C16orf74: variants seen among roughly 807,000 people sequenced by gnomAD.
The protein encoded by C16orf74 is uncharacterized protein C16orf74.
A neutral mutation model predicts 6.5 loss-of-function variants in C16orf74; 10 were observed. The observed-to-expected ratio is 1.54, with a 90% confidence interval of 0.95 to 2.61. C16orf74 has a LOEUF of 2.61. Among genes scored for constraint, C16orf74 ranks in the 30% most tolerant of loss-of-function variants. The probability of loss-of-function intolerance (pLI) is 0.00; values close to 1 mark genes in which losing one functional copy is unlikely to be tolerated. For missense variants in C16orf74, 141 were observed against 105.9 expected (o/e 1.33, Z -1.45); for synonymous variants, 60 against 42.5 (o/e 1.41, Z -1.60).
intron 2 of C16orf74, among the ~76,000 whole-genome samples, chr16:85,730,400 T>C (rs28402278): frequency 0.063 from 9,593 of 152,022 alleles, 985 homozygotes; most frequent in African/African-American, 0.22. Context: ...AGTGCCAAGG[T>C]GCCTCCCGGC....
At chr16:85,746,544 G>C (rs1413760138) in intron 1 of C16orf74, among the ~76,000 whole-genome samples, 2 of 152,190 alleles carry the variant, frequency 1.3e-5, no homozygotes, top group Non-Finnish European at 1.5e-5. Flanking sequence ...GATGAAATCA[G>C]AGTAACCCCA....
intron 2 of C16orf74, among the ~76,000 whole-genome samples, chr16:85,733,405 G>C (rs2054211272): frequency 6.6e-6 from 1 of 152,168 alleles, no homozygotes; most frequent in African/African-American, 2.4e-5. Flanking sequence ...AGGGAACGGG[G>C]AGTTAGTGTT....
At chr16:85,730,163 T>A (rs1249475949) in intron 2 of C16orf74, among the ~76,000 whole-genome samples, 5 of 152,018 alleles carry the variant, frequency 3.3e-5, no homozygotes, top group African/African-American at 1.2e-4. Context: ...GCGGGTGAGA[T>A]GAAGCCCGCA....
chr16:85,723,281 G>C (rs1194741511), intron 2 of C16orf74, among the ~76,000 whole-genome samples: 1 of 120,450 alleles, frequency 8.3e-6, no homozygotes, highest in Non-Finnish European at 1.7e-5. Context: ...AAAAAAAAAA[G>C]GCCAGGTGCA....
Position 85,731,974 on chromosome 16 carries a change from G to T in C16orf74, c.28+3216C>A, listed in dbSNP as rs373850263. ...CCAAAGTGTTGGGACTACAGGCATG[G>T]GCCACCGTGCAGCCCCGCAGATGTA... On this transcript the variant is annotated intron_variant, in intron 2 of 3. Coordinates refer to ENST00000284245, the MANE Select transcript of C16orf74 (RefSeq NM_206967.3). 6.6e-5 allele frequency among the ~76,000 whole-genome samples: 10 copies of T among 152,258 alleles called. No homozygotes were observed. In the East Asian group the frequency reaches 7.7e-4, roughly 12 times the overall value.
intron 2 of C16orf74, among the ~76,000 whole-genome samples, chr16:85,726,462 G>C (rs1318104374): frequency 6.6e-6 from 1 of 152,188 alleles, no homozygotes; most frequent in Non-Finnish European, 1.5e-5. Context: ...CAGCAGAGTA[G>C]ACAAAGACCC....
At chr16:85,747,162 T>C (rs1457989191) in intron 1 of C16orf74, among the ~76,000 whole-genome samples, 1 of 152,170 alleles carries the variant, frequency 6.6e-6, no homozygotes. Flanking sequence ...CACCGTGAAA[T>C]AATAGAGCTG....
chr16:85,735,189 C>T lies in C16orf74; in HGVS notation c.28+1G>A. On this transcript the variant is annotated splice_donor_variant, in intron 2 of 3. Transcript: ENST00000284245. LOFTEE classifies it high-confidence loss of function. ...GGTGGGGGCAGAGCTTCAGGCCTTA[C>T]CTTTCAGGCAGGACATCTTAAGCCC... 6.2e-7 allele frequency: 1 copy of T among 1,606,138 alleles called. No individual in the cohort carries two copies. Among genetic ancestry groups the T allele is most frequent in the Non-Finnish European group, 8.5e-7 (1 of 1,176,006 alleles).
At chr16:85,719,519 C>T (rs2054057972) in intron 2 of C16orf74, among the ~76,000 whole-genome samples, 1 of 152,102 alleles carries the variant, frequency 6.6e-6, no homozygotes, top group African/African-American at 2.4e-5. Context: ...TCCAGACGGG[C>T]ACACTGAGGC....
rs2053930897 is a variant in C16orf74, at chr16:85,708,062, C to A, written c.177G>T (p.Trp59Cys). Reference sequence around the variant, plus strand: ...CTGGGCACGACCCTGTCTCATCCAGCCAGACTAGGAGAAAGAGGGGATGGA... The same window carrying A: ...CTGGGCACGACCCTGTCTCATCCAGACAGACTAGGAGAAAGAGGGGATGGA... ...MLPRDLGSTV[W>C]LDETGSCPDD... Residue 59 changes from tryptophan (W) to cysteine (C), a missense_variant, in exon 4 of 4, where the codon TGG (tryptophan) becomes TGT (cysteine). Physicochemically the swap from Trp to Cys is radical, Grantham distance 215. Coordinates refer to ENST00000284245, the MANE Select transcript of C16orf74 (RefSeq NM_206967.3). 3 of 1,553,150 alleles carry A rather than the reference C, an allele frequency of 1.9e-6. No individual in the cohort carries two copies. In the East Asian group the frequency reaches 7.3e-5, roughly 38 times the overall value.
At chr16:85,746,168 G>A (rs904571767) in intron 1 of C16orf74, among the ~76,000 whole-genome samples, 14 of 152,112 alleles carry the variant, frequency 9.2e-5, no homozygotes, top group African/African-American at 3.4e-4. Flanking sequence ...TGGCCAACAT[G>A]ATGACACCCC....
At chr16:85,723,207 C>T (rs992120963) in intron 2 of C16orf74, among the ~76,000 whole-genome samples, 2 of 144,308 alleles carry the variant, frequency 1.4e-5, no homozygotes, top group Non-Finnish European at 3.0e-5. Flanking sequence ...CTGCAGTGAG[C>T]TGAGATCGCA....
At chr16:85,745,671 CAG>C (rs2054365737) in intron 1 of C16orf74, among the ~76,000 whole-genome samples, 2 of 150,240 alleles carry the variant, frequency 1.3e-5, no homozygotes, top group Non-Finnish European at 3.0e-5. Context: ...TTCAAAGACA[CAG>C]AATCTCCCGC....
At chr16:85,723,065 C>G (rs960359618) in intron 2 of C16orf74, among the ~76,000 whole-genome samples, 2 of 151,942 alleles carry the variant, frequency 1.3e-5, no homozygotes, top group African/African-American at 4.8e-5. Context: ...TGAAGACCAG[C>G]CTGGCAAACA....
At chr16:85,726,752 C>A (rs187645716) in intron 2 of C16orf74, among the ~76,000 whole-genome samples, 1 of 152,208 alleles carries the variant, frequency 6.6e-6, no homozygotes. Context: ...GAGCTCCTGT[C>A]CCCAGGGATG....
intron 2 of C16orf74, among the ~76,000 whole-genome samples, chr16:85,731,002 T>C (rs942257355): frequency 1.3e-5 from 2 of 152,208 alleles, no homozygotes; most frequent in African/African-American, 4.8e-5. Flanking sequence ...ATCGTACCCG[T>C]TTCTTTGTAC....
chr16:85,720,730 C>T (rs2054073562), intron 2 of C16orf74, among the ~76,000 whole-genome samples: 1 of 145,724 alleles, frequency 6.9e-6, no homozygotes, highest in African/African-American at 2.6e-5. Context: ...GAGCTGCAAT[C>T]ACACCACGGC....
At chr16:85,740,212 A>C (rs1393905304) in intron 1 of C16orf74, among the ~76,000 whole-genome samples, 1 of 66,676 alleles carries the variant, frequency 1.5e-5, no homozygotes, top group Non-Finnish European at 3.3e-5. Flanking sequence ...ACTTTGTCTC[A>C]AAAAAAAAAA....
intron 1 of C16orf74, among the ~76,000 whole-genome samples, chr16:85,735,523 G>C (rs2152064043): frequency 6.6e-6 from 1 of 152,286 alleles, no homozygotes; most frequent in East Asian, 1.9e-4. Context: ...TTGAACCCAG[G>C]AGGCGGAGGC....
Sources: gnomAD v4.1 joint callset for allele counts (sites outside exome capture counted in the v4.1 genomes callset) on GRCh38, gnomAD v4.1.1 for gene constraint, MANE v1.5 for transcripts, NCBI Gene and HGNC (gene_info 2026-07-23, HGNC 2026-07-21) for gene names.